Variants in VMA22 observed in about 807,000 individuals in gnomAD.
The protein encoded by VMA22 is vacuolar ATPase assembly protein VMA22.
At chr2:130,338,675 G>A in the VMA22 span, 1 of 157,902 alleles carries the variant, frequency 6.3e-6, no homozygotes, top group African/African-American at 2.4e-5. Context: ...TGTCCTTGTG[G>A]ACTCAAGTCA....
chr2:130,341,888 G>A, the VMA22 span: 12 of 1,605,218 alleles, frequency 7.5e-6, no homozygotes, highest in South Asian at 1.1e-5. Context: ...CATACTGCAG[G>A]GGCCCTACCG....
chr2:130,341,016 T>G, the VMA22 span: 6 of 1,611,744 alleles, frequency 3.7e-6, no homozygotes, highest in African/African-American at 6.7e-5. Context: ...GGGGTCTTAG[T>G]GGGGCCCTTG....
chr2:130,339,810 C>T, the VMA22 span: 2 of 1,296,852 alleles, frequency 1.5e-6, no homozygotes, highest in Non-Finnish European at 2.0e-6. Flanking sequence ...CTTCTCCCCT[C>T]TTCTCCCTCA....
At chr2:130,342,178 T>A in the VMA22 span, 2 of 1,599,026 alleles carry the variant, frequency 1.3e-6, no homozygotes, top group Non-Finnish European at 8.5e-7. Flanking sequence ...CTCCGCAGTT[T>A]GGCAGGACAG....
the VMA22 span, chr2:130,341,689 C>A: frequency 6.2e-7 from 1 of 1,611,732 alleles, no homozygotes; most frequent in East Asian, 2.2e-5. Context: ...GCCCCACCTC[C>A]TCTGGGGCGT....
At chr2:130,339,642 A>C in the VMA22 span, 1 of 1,304,970 alleles carries the variant, frequency 7.7e-7, no homozygotes, top group Admixed American at 2.3e-5. Flanking sequence ...CTCTGCTGGA[A>C]CAGCTGCTGC....
At chr2:130,342,510 G>C in the VMA22 span, 1 of 476,372 alleles carries the variant, frequency 2.1e-6, no homozygotes, top group East Asian at 3.3e-5. Context: ...AAGTTAATTT[G>C]GAAAGGAGCC....
At chr2:130,341,795 G>C in the VMA22 span, 16 of 1,497,568 alleles carry the variant, frequency 1.1e-5, no homozygotes, top group African/African-American at 1.4e-5. Flanking sequence ...CCCGGGCCTA[G>C]AACGCGCCCG....
the VMA22 span, chr2:130,339,150 T>A: frequency 6.2e-7 from 1 of 1,614,016 alleles, no homozygotes; most frequent in Non-Finnish European, 8.5e-7. Context: ...GCTGCTTGAG[T>A]TTCTCTTGGA....
the VMA22 span, chr2:130,341,387 G>A: frequency 1.8e-6 from 1 of 551,196 alleles, no homozygotes; most frequent in Non-Finnish European, 3.2e-6. Context: ...GGGATTAGAA[G>A]TTTGTCCCTC....
the VMA22 span, chr2:130,342,489 G>A: frequency 4.0e-6 from 2 of 505,578 alleles, no homozygotes; most frequent in African/African-American, 3.9e-5. Context: ...GTTGAGGGAA[G>A]AGTGGTTTTA....
chr2:130,342,120 C>T, the VMA22 span: 4 of 1,613,626 alleles, frequency 2.5e-6, no homozygotes, highest in Non-Finnish European at 1.7e-6. Flanking sequence ...GGTCAAGCGC[C>T]GCCATGGACA....
chr2:130,338,207 T>C, the VMA22 span: 1 of 152,194 alleles, frequency 6.6e-6, no homozygotes, highest in Non-Finnish European at 1.5e-5. Context: ...TACATTCAAC[T>C]GTACGTACAA....
the VMA22 span, chr2:130,339,920 A>G: frequency 1.1e-6 from 1 of 946,280 alleles, no homozygotes; most frequent in Non-Finnish European, 1.4e-6. Flanking sequence ...CACCAGTGCT[A>G]TGCAGTGGAC....
chr2:130,340,912 C>T, the VMA22 span: 1 of 1,614,088 alleles, frequency 6.2e-7, no homozygotes, highest in African/African-American at 1.3e-5. Context: ...ACTCACCATC[C>T]CGGAAGCTTG....
chr2:130,341,799 G>GTGGCC, the VMA22 span: 1 of 1,432,216 alleles, frequency 7.0e-7, no homozygotes, highest in Non-Finnish European at 9.6e-7. Flanking sequence ...GGCCTAGAAC[G>GTGGCC]CGCCCGCCCG....
At chr2:130,339,256 C>T in the VMA22 span, 1 of 1,597,366 alleles carries the variant, frequency 6.3e-7, no homozygotes, top group Non-Finnish European at 8.6e-7. Context: ...GAGAAGGTCA[C>T]CATGGTATCT....
the VMA22 span, chr2:130,338,906 T>C: frequency 1.8e-6 from 1 of 555,180 alleles, no homozygotes; most frequent in East Asian, 3.1e-5. Context: ...ACTCAGGCCT[T>C]AGAATGGTTT....
chr2:130,341,642 T>C, the VMA22 span: 1,712 of 1,591,544 alleles, frequency 1.1e-3, 4 homozygotes, highest in Non-Finnish European at 1.4e-3. Context: ...GGGAAGGGGT[T>C]CTGCAGAAGG....
Sources: gnomAD v4.1 joint callset for allele counts on GRCh38, gnomAD v4.1.1 for gene constraint, MANE v1.5 for transcripts, NCBI Gene and HGNC (gene_info 2026-07-23, HGNC 2026-07-21) for gene names.